Variants in MED16 observed in about 807,000 individuals in gnomAD.
The protein encoded by MED16 is mediator complex subunit 16, also known as mediator of RNA polymerase II transcription subunit 16.
In MED16, 81 loss-of-function variants were observed where a neutral mutation model predicts 84.4. That is an observed-to-expected ratio of 0.96 (90% CI 0.80 to 1.15). The LOEUF (loss-of-function observed/expected upper bound fraction) is 1.15, where lower values mean the gene tolerates loss of function less well. Among genes scored for constraint, MED16 ranks in the 50% most tolerant of loss-of-function variants. The probability of loss-of-function intolerance (pLI) is 0.00; values close to 1 mark genes in which losing one functional copy is unlikely to be tolerated. For missense variants in MED16, 1,585 were observed against 1,245.9 expected, an observed-to-expected ratio of 1.27 and a Z score of -4.10; for synonymous variants, 897 against 552.2, an observed-to-expected ratio of 1.62 and a Z score of -8.76.
chr19:887,117 C>A (rs79931316), intron 4 of MED16, among the ~76,000 whole-genome samples: 1 of 151,648 alleles, frequency 6.6e-6, no homozygotes, highest in Admixed American at 6.6e-5. Context: ...AATGTCTCTA[C>A]GTTGTGAAAA....
At chr19:880,737 C>T (rs1188549230) in intron 7 of MED16, among the ~76,000 whole-genome samples, 2 of 151,930 alleles carry the variant, frequency 1.3e-5, no homozygotes, top group Non-Finnish European at 2.9e-5. Flanking sequence ...CTGGGCAACA[C>T]CGGTGAAACC....
At chr19:868,343 A>G in intron 15 of MED16, 73 bp downstream of exon 15, 3 of 1,590,226 alleles carry the variant, frequency 1.9e-6, no homozygotes, top group South Asian at 1.1e-5. Flanking sequence ...GCTGAGGGGT[A>G]GCTGAGGAGT....
chr19:892,849 C>T (rs2036665462), intron 1 of MED16: 1 of 152,196 alleles, frequency 6.6e-6, no homozygotes, highest in Non-Finnish European at 1.5e-5. Flanking sequence ...CTCAGGCCTC[C>T]CCCAGGTTTC....
intron 10 of MED16, among the ~76,000 whole-genome samples, chr19:874,837 T>C (rs927088014): frequency 1.3e-5 from 2 of 151,790 alleles, no homozygotes; most frequent in African/African-American, 4.9e-5. Flanking sequence ...GTCACCGTGC[T>C]GCAACCTGGA....
At chr19:888,848 TC>T (rs1207262112) in intron 4 of MED16, among the ~76,000 whole-genome samples, 1 of 152,062 alleles carries the variant, frequency 6.6e-6, no homozygotes, top group Non-Finnish European at 1.5e-5. Context: ...GTCCACTGCA[TC>T]CCTCCAGGAA....
At chr19:890,895 C>G in intron 2 of MED16, 68 bp downstream of exon 2, 3 of 1,534,168 alleles carry the variant, frequency 2.0e-6, no homozygotes, top group Non-Finnish European at 2.6e-6. Context: ...GGCAGTGGGC[C>G]GGGCACCTGG....
intron 13 of MED16, 116 bp downstream of exon 13, chr19:870,921 T>A: frequency 1.0e-6 from 1 of 1,000,526 alleles, no homozygotes; most frequent in South Asian, 1.7e-5. Context: ...CCGTGTGGAT[T>A]CGGGGGGACC....
chr19:886,108 C>T lies in MED16; in HGVS notation c.541G>A (p.Ala181Thr), dbSNP rs779906578. ...GTGACCAGGCCGCTGACCGTCACCG[C>T]GATCCAGCCCTCCATGGGCTTGCCG... ...FGGKPMEGWI[A>T]VTVSGLVTVS... Residue 181 changes from alanine (A) to threonine (T), a missense_variant, in exon 5 of 16, where the codon GCG becomes ACG. Ala to Thr is a moderately conservative substitution (Grantham distance 58, BLOSUM62 0). Transcript: ENST00000325464. 2.3e-5 allele frequency: 36 copies of T among 1,586,112 alleles called. No individual in the cohort carries two copies. The highest frequency in any genetic ancestry group is 2.9e-5 in the Non-Finnish European group (34 of 1,169,066).
At chr19:885,583 T>C (rs1599340752) in intron 5 of MED16, among the ~76,000 whole-genome samples, 187 bp downstream of exon 5, 1 of 152,044 alleles carries the variant, frequency 6.6e-6, no homozygotes, top group South Asian at 2.1e-4. Context: ...AACCGAGGGA[T>C]TGGGCGCCTC....
At chr19:890,401 C>T in intron 2 of MED16, 157 bp from the exon 3 acceptor site, 2 of 563,054 alleles carry the variant, frequency 3.6e-6, no homozygotes, top group Non-Finnish European at 6.3e-6. Context: ...AACAGGCTGT[C>T]CCCCCGCAGG....
At chr19:877,640 T>TCCCAGC (rs1222476864) in intron 8 of MED16, among the ~76,000 whole-genome samples, 60 of 94,538 alleles carry the variant, frequency 6.3e-4, no homozygotes, top group East Asian at 2.6e-3. Flanking sequence ...TCTGGCACCC[T>TCCCAGC]CCCAGCCCCA....
intron 10 of MED16, 112 bp from the exon 11 acceptor site, chr19:873,694 C>G (rs1335858842): frequency 8.0e-7 from 1 of 1,255,450 alleles, no homozygotes. Context: ...TACCAGGACA[C>G]AAGGGGACCC....
At position 889,861 on chromosome 19, in the gene MED16, G is replaced by A. The variant is rs200008779; in HGVS notation, c.278-54C>T. 2.5e-5 allele frequency: 39 copies of A among 1,543,124 alleles called. No homozygotes were observed. The East Asian group carries it at 6.2e-4, about 24-fold the overall frequency. On this transcript the variant is annotated intron_variant, in intron 3 of 15. Transcript: ENST00000325464. ...CTTCCAGGGATGGGCAGAGCACTGCGTTGCAGGACGGCACAGCGCCTGGGG... is the reference window on the plus strand; with the variant it reads ...CTTCCAGGGATGGGCAGAGCACTGCATTGCAGGACGGCACAGCGCCTGGGG...
At chr19:879,853 C>T in intron 8 of MED16, 84 bp downstream of exon 8, 1 of 1,159,552 alleles carries the variant, frequency 8.6e-7, no homozygotes, top group Non-Finnish European at 1.2e-6. Context: ...GCTCACCTTC[C>T]CCTGGTTGTC....
In MED16 at chr19:873,587, A is replaced by G; in HGVS notation, c.1772-5T>C. The stretch of plus-strand genomic sequence containing the variant: ...TGATCATGACCTTGTCAATGTCTAC[A>G]AGGAGACGTGGGTCGGGTCAGCTCG... On this transcript the variant is annotated splice_polypyrimidine_tract_variant and splice_region_variant and intron_variant, in intron 10 of 15. Transcript: ENST00000325464. 1 of 1,612,156 alleles carries G rather than the reference A, an allele frequency of 6.2e-7. No individual in the cohort carries two copies. The highest frequency in any genetic ancestry group is 8.5e-7 in the Non-Finnish European group (1 of 1,179,610).
rs779686718 is a variant in MED16 at position 875,231 on chromosome 19, G to C, written c.1771+13C>G. On this transcript the variant is annotated intron_variant, in intron 10 of 15. Coordinates refer to ENST00000325464, the MANE Select transcript of MED16 (RefSeq NM_005481.3). Reference sequence around the variant, plus strand: ...AAGAAACCTCGAGGCCCCGGGCGTGGAAAAGGACCCACCGACGTCGGTGAT... The same window carrying C: ...AAGAAACCTCGAGGCCCCGGGCGTGCAAAAGGACCCACCGACGTCGGTGAT... 6.3e-7 allele frequency: 1 copy of C among 1,589,510 alleles called. No individual in the cohort carries two copies. The highest frequency in any genetic ancestry group is 8.6e-7 in the Non-Finnish European group (1 of 1,165,326).
intron 8 of MED16, 52 bp from the exon 9 acceptor site, chr19:877,232 A>G (rs774591866): frequency 2.6e-6 from 4 of 1,543,216 alleles, no homozygotes; most frequent in Non-Finnish European, 2.6e-6. Flanking sequence ...CTGCGCCCTC[A>G]GCCGGGAGAG....
intron 11 of MED16, 105 bp downstream of exon 11, chr19:873,344 G>C (rs1436563809): frequency 5.7e-5 from 53 of 931,606 alleles, no homozygotes; most frequent in Non-Finnish European, 5.8e-5. Flanking sequence ...ACTCCAACTA[G>C]GGGCGGGGCT....
intron 8 of MED16, among the ~76,000 whole-genome samples, chr19:877,588 A>T (rs2036281485): frequency 6.6e-6 from 1 of 152,084 alleles, no homozygotes; most frequent in Non-Finnish European, 1.5e-5. Flanking sequence ...GGGGCTGGCG[A>T]GGGGCTTGCA....
Sources: gnomAD v4.1 joint callset for allele counts (sites outside exome capture counted in the v4.1 genomes callset) on GRCh38, gnomAD v4.1.1 for gene constraint, MANE v1.5 for transcripts, NCBI Gene and HGNC (gene_info 2026-07-23, HGNC 2026-07-21) for gene names.